CCSER1: variants seen among roughly 807,000 people sequenced by gnomAD.
CCSER1 encodes the protein serine-rich coiled-coil domain-containing protein 1.
CCSER1 carries 41 observed loss-of-function variants against 82.0 expected under a neutral mutation model. The observed-to-expected ratio is 0.50, with a 90% CI of 0.39 to 0.65. The LOEUF is 0.65. Ranked by LOEUF, CCSER1 falls within the 30% of genes least tolerant of loss-of-function variation. The pLI is 0.00. For missense variants in CCSER1, 1,119 were observed against 1,064.2 expected, an observed-to-expected ratio of 1.05 and a Z score of -0.72; for synonymous variants, 414 against 383.9, an observed-to-expected ratio of 1.08 and a Z score of -0.92.
chr4:90,128,199 T>C (rs1202968760), intron 1 of CCSER1, among the ~76,000 whole-genome samples: 1 of 151,760 alleles, frequency 6.6e-6, no homozygotes, highest in African/African-American at 2.4e-5. Flanking sequence ...CTCCCCTTCC[T>C]CGCCACTCGC....
chr4:90,545,563 C>CT (rs2153637884), intron 5 of CCSER1, among the ~76,000 whole-genome samples: 1 of 152,172 alleles, frequency 6.6e-6, no homozygotes, highest in African/African-American at 2.4e-5. Flanking sequence ...ATCCTCCTGC[C>CT]TTCAATCATT....
At chr4:90,902,511 A>G (rs1489373120) in intron 8 of CCSER1, among the ~76,000 whole-genome samples, 1 of 151,498 alleles carries the variant, frequency 6.6e-6, no homozygotes, top group African/African-American at 2.4e-5. Context: ...ATTGTGTTGT[A>G]TGTTTTCTAT....
chr4:91,332,512 T>A (rs1230976509), intron 10 of CCSER1, among the ~76,000 whole-genome samples: 2 of 151,842 alleles, frequency 1.3e-5, no homozygotes, highest in Non-Finnish European at 2.9e-5. Flanking sequence ...TACCAGAGTT[T>A]CTAGTTCTTT....
At chr4:91,466,163 A>G (rs940034465) in intron 10 of CCSER1, among the ~76,000 whole-genome samples, 5 of 152,108 alleles carry the variant, frequency 3.3e-5, no homozygotes, top group Non-Finnish European at 7.4e-5. Context: ...TTATGATCAA[A>G]TGGGCTTCAT....
chr4:90,854,232 T>C (rs1764202333), intron 8 of CCSER1, among the ~76,000 whole-genome samples: 1 of 152,186 alleles, frequency 6.6e-6, no homozygotes, highest in Admixed American at 6.5e-5. Flanking sequence ...ATTTAGATCT[T>C]GAGGAAAGGG....
chr4:90,606,277 A>G (rs1486073760), intron 5 of CCSER1, among the ~76,000 whole-genome samples: 1 of 152,170 alleles, frequency 6.6e-6, no homozygotes, highest in African/African-American at 2.4e-5. Flanking sequence ...AGGCTGTTTC[A>G]TCATTGTGCA....
intron 1 of CCSER1, among the ~76,000 whole-genome samples, chr4:90,145,479 T>G (rs1725637239): frequency 6.6e-6 from 1 of 152,138 alleles, no homozygotes; most frequent in Admixed American, 6.5e-5. Context: ...CATCCATAGT[T>G]GGATTTACAT....
chr4:91,110,939 C>A (rs1038084071), intron 10 of CCSER1, among the ~76,000 whole-genome samples: 2 of 151,746 alleles, frequency 1.3e-5, no homozygotes, highest in African/African-American at 2.4e-5. Flanking sequence ...AATTTAATTT[C>A]TTCCCATAAT....
At chr4:90,871,785 C>A (rs950388767) in intron 8 of CCSER1, among the ~76,000 whole-genome samples, 2 of 151,692 alleles carry the variant, frequency 1.3e-5, no homozygotes, top group African/African-American at 4.8e-5. Context: ...GTTATTTCTG[C>A]ATTGGAGTCT....
At chr4:90,138,312 C>T (rs1337761770) in intron 1 of CCSER1, among the ~76,000 whole-genome samples, 1 of 152,184 alleles carries the variant, frequency 6.6e-6, no homozygotes, top group East Asian at 1.9e-4. Context: ...TCACTTATGC[C>T]TCCCGAGTAG....
At chr4:90,597,375 A>G (rs183279831) in intron 5 of CCSER1, among the ~76,000 whole-genome samples, 1 of 152,116 alleles carries the variant, frequency 6.6e-6, no homozygotes. Context: ...GAGGTTACAT[A>G]TTGCTTTTTA....
chr4:90,652,761 A>T (rs978740021), intron 6 of CCSER1, among the ~76,000 whole-genome samples: 7 of 152,134 alleles, frequency 4.6e-5, no homozygotes, highest in African/African-American at 1.7e-4. Context: ...TTCCCCATTC[A>T]ATCATTTTTG....
chr4:91,559,648 CAA>C (rs1338951878), intron 10 of CCSER1, among the ~76,000 whole-genome samples: 1 of 151,220 alleles, frequency 6.6e-6, no homozygotes, highest in Non-Finnish European at 1.5e-5. Flanking sequence ...CAGTTATTCC[CAA>C]GAGATATCTT....
chr4:90,211,267 G>T (rs1439786541), intron 1 of CCSER1, among the ~76,000 whole-genome samples: 1 of 152,042 alleles, frequency 6.6e-6, no homozygotes, highest in Non-Finnish European at 1.5e-5. Context: ...GAAATTTGTG[G>T]GTTTCTTAAA....
intron 10 of CCSER1, among the ~76,000 whole-genome samples, chr4:91,418,744 GTAT>G (rs1753524471): frequency 6.6e-6 from 1 of 151,928 alleles, no homozygotes; most frequent in African/African-American, 2.4e-5. Flanking sequence ...TGATACTTTG[GTAT>G]CAAGTATTAA....
chr4:90,559,809 CAA>C (rs1236087772), intron 5 of CCSER1, among the ~76,000 whole-genome samples: 9 of 39,756 alleles, frequency 2.3e-4, no homozygotes, highest in East Asian at 8.1e-4. Flanking sequence ...GACTCCGTCT[CAA>C]AAAAAAAAAA....
intron 3 of CCSER1, among the ~76,000 whole-genome samples, chr4:90,385,453 C>T (rs577651110): frequency 8.8e-5 from 11 of 124,638 alleles, no homozygotes; most frequent in East Asian, 6.8e-4. Context: ...GATGGTGTCT[C>T]GGTGTAGTTT....
intron 8 of CCSER1, among the ~76,000 whole-genome samples, chr4:90,868,603 C>G (rs187191451): frequency 2.0e-5 from 3 of 151,974 alleles, no homozygotes; most frequent in African/African-American, 7.2e-5. Context: ...GTTCCTCTGT[C>G]GATAGACACT....
At chr4:90,168,349 G>C (rs910513315) in intron 1 of CCSER1, among the ~76,000 whole-genome samples, 2 of 151,772 alleles carry the variant, frequency 1.3e-5, no homozygotes, top group African/African-American at 2.4e-5. Flanking sequence ...AAATTTGTTT[G>C]AGTTCATTGT....
Sources: gnomAD v4.1 joint callset for allele counts (sites outside exome capture counted in the v4.1 genomes callset) on GRCh38, gnomAD v4.1.1 for gene constraint, MANE v1.5 for transcripts, NCBI Gene and HGNC (gene_info 2026-07-23, HGNC 2026-07-21) for gene names.